The following DCAF7 variants were observed in gnomAD, a reference collection of about 807,000 sequenced individuals.
The protein encoded by DCAF7 is DDB1 and CUL4 associated factor 7.
In DCAF7, 4 loss-of-function variants were observed where a neutral mutation model predicts 41.2. That is an observed-to-expected ratio of 0.10 (90% CI 0.05 to 0.22). The LOEUF is 0.22. Ranked by LOEUF, DCAF7 falls within the 10% of genes least tolerant of loss-of-function variation. DCAF7 has a pLI of 1.00. For missense variants in DCAF7, 131 were observed against 443.2 expected, an observed-to-expected ratio of 0.30 and a Z score of 6.32; for synonymous variants, 143 against 164.2, an observed-to-expected ratio of 0.87 and a Z score of 0.99.
At chr17:63,580,003 G>T in intron 4 of DCAF7, 60 bp downstream of exon 4, 1 of 1,306,572 alleles carries the variant, frequency 7.7e-7, no homozygotes, top group South Asian at 1.2e-5. Flanking sequence ...CGCACAGGAA[G>T]AGGTCAGCTT....
At chr17:63,579,603 T>C (rs949324535) in intron 3 of DCAF7, among the ~76,000 whole-genome samples, 155 bp downstream of exon 3, 1 of 152,190 alleles carries the variant, frequency 6.6e-6, no homozygotes, top group Non-Finnish European at 1.5e-5. Context: ...GTGGGTGAGC[T>C]TTCCGTGTGT....
At chr17:63,554,005 A>G (rs2033285382) in intron 1 of DCAF7, among the ~76,000 whole-genome samples, 1 of 151,946 alleles carries the variant, frequency 6.6e-6, no homozygotes, top group Non-Finnish European at 1.5e-5. Flanking sequence ...GGAGTTTGAT[A>G]CCAACCTGGG....
At chr17:63,586,950 G>A (rs1333025984) in intron 6 of DCAF7, among the ~76,000 whole-genome samples, 1 of 152,152 alleles carries the variant, frequency 6.6e-6, no homozygotes, top group African/African-American at 2.4e-5. Flanking sequence ...AACAGGTAAT[G>A]TGTCTCCTTC....
chr17:63,568,875 A>G (rs148029956), intron 1 of DCAF7, among the ~76,000 whole-genome samples: 624 of 152,302 alleles, frequency 4.1e-3, no homozygotes, highest in Admixed American at 0.012. Flanking sequence ...CTGCAGCTCC[A>G]TGCACGCTGC....
At chr17:63,575,369 A>G (rs1377576562) in intron 1 of DCAF7, among the ~76,000 whole-genome samples, 2 of 152,140 alleles carry the variant, frequency 1.3e-5, no homozygotes, top group Non-Finnish European at 2.9e-5. Flanking sequence ...TGAAAGAATC[A>G]TAAGAAGTAC....
At position 63,585,335 on chromosome 17, in the gene DCAF7, A is replaced by G. The variant is rs759378485; in HGVS notation, c.856+7A>G. The G allele has an allele frequency of 6.2e-6, 10 of 1,609,630 alleles. No homozygotes were observed. In the East Asian group the frequency reaches 6.7e-5, roughly 11 times the overall value. On this transcript the variant is annotated splice_region_variant and intron_variant, in intron 6 of 6. Coordinates refer to ENST00000614556, the MANE Select transcript of DCAF7 (RefSeq NM_005828.5). Reference sequence around the variant, plus strand: ...TGCCACATCTGCACTGCAGGTAATCATGGTGGGGAGAAAGAAATCTGGGAA... The same window carrying G: ...TGCCACATCTGCACTGCAGGTAATCGTGGTGGGGAGAAAGAAATCTGGGAA...
At chr17:63,583,427 C>T (rs137911673) in intron 4 of DCAF7, 75 bp from the exon 5 acceptor site, 71 of 1,302,938 alleles carry the variant, frequency 5.4e-5, no homozygotes, top group Non-Finnish European at 7.1e-5. Flanking sequence ...ATGAACTGGA[C>T]GTGGCAGATT....
intron 1 of DCAF7, among the ~76,000 whole-genome samples, chr17:63,576,571 CAG>C (rs989742305): frequency 6.6e-6 from 1 of 152,060 alleles, no homozygotes; most frequent in Admixed American, 6.5e-5. Flanking sequence ...TAGAAGAAAA[CAG>C]GGAAAAATAT....
rs2033755856 is a variant in DCAF7, at chr17:63,593,570, T to G, written c.*4398T>G. The stretch of plus-strand genomic sequence containing the variant: ...TGGAAAGTTTATAGGCACCCACCTT[T>G]GGGACAACCCAGTGATTATGAACAT... On this transcript the variant is annotated 3_prime_UTR_variant, in exon 7 of 7. Transcript: ENST00000614556. The G allele has an allele frequency of 6.5e-6, 1 of 152,764 alleles. No individual in the cohort carries two copies. Among genetic ancestry groups the G allele is most frequent in the South Asian group, 2.1e-4 (1 of 4,828 alleles). The allele number at this position is 152,764 out of a possible 1,614,324, so 9.5% of individuals were successfully genotyped here. A position where few individuals can be genotyped will look rare whatever the true frequency, so the allele number is the denominator to read the frequency against.
chr17:63,577,995 G>C (rs2033580730), intron 1 of DCAF7, among the ~76,000 whole-genome samples: 1 of 152,186 alleles, frequency 6.6e-6, no homozygotes, highest in South Asian at 2.1e-4. Flanking sequence ...TTGTCTGCCA[G>C]AGGATGGTTG....
chr17:63,552,576 C>T (rs896246815), intron 1 of DCAF7: 1 of 152,188 alleles, frequency 6.6e-6, no homozygotes, highest in Admixed American at 6.5e-5. Context: ...ATTAAGACCA[C>T]TAGAACTATT....
chr17:63,583,825 T>C, intron 5 of DCAF7, 114 bp downstream of exon 5: 1 of 1,049,794 alleles, frequency 9.5e-7, no homozygotes, highest in Non-Finnish European at 1.4e-6. Context: ...TCTTTGGGAA[T>C]GTCTGGAGGC....
intron 1 of DCAF7, among the ~76,000 whole-genome samples, chr17:63,575,346 GAAAT>G (rs1167631964): frequency 6.6e-6 from 1 of 151,840 alleles, no homozygotes; most frequent in African/African-American, 2.4e-5. Flanking sequence ...AAGAAATAAA[GAAAT>G]AAAATTAATG....
chr17:63,589,094 C>T lies in DCAF7; in HGVS notation c.951C>T (p.Asn317=), dbSNP rs1228536622. 6.2e-7 allele frequency: 1 copy of T among 1,613,916 alleles called. No individual in the cohort carries two copies. The highest frequency in any genetic ancestry group is 1.3e-5 in the African/African-American group (1 of 74,934). ...ILAYTAEGEI[N]NVQWASTQPD... is the part of the protein sequence containing the mutation. ...CCTACACAGCTGAAGGAGAGATCAA[C>T]AATGTGCAGTGGGCATCAACTCAGC... is the stretch of plus-strand genomic sequence containing the variant. The change falls in exon 7 of 7, where the codon AAC becomes AAT. Residue 317 remains asparagine (N), a synonymous_variant. Transcript: ENST00000614556.
intron 1 of DCAF7, among the ~76,000 whole-genome samples, chr17:63,551,888 ATAC>A (rs1239135395): frequency 4.7e-5 from 5 of 107,334 alleles, no homozygotes; most frequent in Admixed American, 2.1e-4. Flanking sequence ...CTCTACTAAA[ATAC>A]AAAAAAAAAA....
chr17:63,571,141 G>A (rs1568101388), intron 1 of DCAF7, among the ~76,000 whole-genome samples: 2 of 151,806 alleles, frequency 1.3e-5, no homozygotes, highest in Non-Finnish European at 2.9e-5. Flanking sequence ...AGCCAAGATC[G>A]TGCCACTGCA....
Position 63,550,722 on chromosome 17 carries a change from G to T in DCAF7, c.45G>T (p.Ala15=), listed in dbSNP as rs765196521. 8 of 1,613,882 alleles carry T rather than the reference G, an allele frequency of 5.0e-6. No homozygotes were observed. Residue 15 remains alanine (A), a synonymous_variant, in exon 1 of 7, where the codon GCG becomes GCT. Transcript: ENST00000614556. This position sits in a 1 kb window ranked among gnomAD's most constrained non-coding sequence, Gnocchi z 4.8. The part of the protein sequence containing the change: ...GKRKEIYKYE[A]PWTVYAMNWS... ...GGAAGGAGATCTACAAGTATGAAGC[G>T]CCCTGGACAGTCTACGCGATGAACT...
intron 1 of DCAF7, among the ~76,000 whole-genome samples, chr17:63,561,017 C>A (rs991255386): frequency 1.3e-5 from 2 of 152,200 alleles, no homozygotes; most frequent in Admixed American, 6.5e-5. Context: ...TGCCTGTAAT[C>A]CCAGCACTTT....
intron 1 of DCAF7, among the ~76,000 whole-genome samples, chr17:63,574,844 G>C (rs560886103): frequency 3.3e-4 from 50 of 151,866 alleles, no homozygotes; most frequent in African/African-American, 1.1e-3. Flanking sequence ...ACGGTGGCTT[G>C]TACCTGTAGT....
Sources: allele counts gnomAD v4.1 joint callset (sites outside exome capture counted in the v4.1 genomes callset), GRCh38; gene constraint gnomAD v4.1.1; non-coding constraint Gnocchi (gnomAD v3.1); transcripts MANE v1.5; gene names NCBI Gene and HGNC (gene_info 2026-07-23, HGNC 2026-07-21).